Variants in PCDHA6 observed in about 807,000 individuals in gnomAD.
PCDHA6 encodes the protein protocadherin alpha 6, also known as protocadherin alpha-6.
Under a neutral mutation model 60.3 loss-of-function variants are expected in PCDHA6, and 55 were observed. The observed-to-expected ratio is 0.91, with a 90% CI of 0.73 to 1.14. The LOEUF is 1.14. Ranked by LOEUF, PCDHA6 falls within the 50% of genes most tolerant of loss-of-function variation. The probability of loss-of-function intolerance (pLI) is 0.00; values close to 1 mark genes in which losing one functional copy is unlikely to be tolerated. For missense variants in PCDHA6, 1,327 were observed against 1,256.5 expected (o/e 1.06, Z -0.85); for synonymous variants, 652 against 557.9 (o/e 1.17, Z -2.38).
At chr5:140,966,755 C>A in intron 1 of PCDHA6, 1 of 1,434,520 alleles carries the variant, frequency 7.0e-7, no homozygotes, top group South Asian at 1.5e-5. Context: ...GCCTCCGCCG[C>A]GGCCAGTGGC....
intron 1 of PCDHA6, chr5:140,843,009 C>A: frequency 6.3e-7 from 1 of 1,595,058 alleles, no homozygotes; most frequent in Non-Finnish European, 8.6e-7. Flanking sequence ...GACAACGCGC[C>A]GGCACTGCTG....
chr5:140,882,985 C>T (rs1554176359), intron 1 of PCDHA6: 14 of 1,614,110 alleles, frequency 8.7e-6, no homozygotes, highest in Non-Finnish European at 1.1e-5. Flanking sequence ...ATGACAACGC[C>T]CCGGAATTTT....
intron 1 of PCDHA6, among the ~76,000 whole-genome samples, chr5:140,895,900 G>A (rs540029399): frequency 1.3e-3 from 196 of 152,038 alleles, no homozygotes; most frequent in African/African-American, 4.6e-3. Context: ...CAACCTCCGC[G>A]TCCCGGGCTC....
At chr5:140,883,642 C>T (rs200197885) in intron 1 of PCDHA6, 1 of 1,613,904 alleles carries the variant, frequency 6.2e-7, no homozygotes, top group South Asian at 1.1e-5. Context: ...TCGCGCAGCC[C>T]GAGTACACGG....
chr5:140,957,014 G>A (rs2095325954), intron 1 of PCDHA6, among the ~76,000 whole-genome samples: 1 of 152,124 alleles, frequency 6.6e-6, no homozygotes, highest in South Asian at 2.1e-4. Flanking sequence ...ATTTCTCAGT[G>A]AGCATTTAGA....
At chr5:140,899,431 T>C (rs1271468350) in intron 1 of PCDHA6, among the ~76,000 whole-genome samples, 2 of 152,242 alleles carry the variant, frequency 1.3e-5, no homozygotes, top group Non-Finnish European at 2.9e-5. Context: ...AGGTCTTTTC[T>C]GCATCTATTG....
intron 1 of PCDHA6, among the ~76,000 whole-genome samples, chr5:140,900,334 G>A (rs552378783): frequency 4.2e-4 from 64 of 152,060 alleles, no homozygotes; most frequent in East Asian, 1.6e-3. Context: ...CTGGAGTACC[G>A]TGGCGCAATC....
At chr5:140,993,273 T>C (rs1212746492) in intron 3 of PCDHA6, among the ~76,000 whole-genome samples, 1 of 152,176 alleles carries the variant, frequency 6.6e-6, no homozygotes, top group Non-Finnish European at 1.5e-5. Flanking sequence ...TTCTTTGGTC[T>C]TTTCTTGCCC....
chr5:140,875,291 T>C, intron 1 of PCDHA6: 2 of 1,397,914 alleles, frequency 1.4e-6, no homozygotes, highest in Non-Finnish European at 1.9e-6. Flanking sequence ...AACAGGAAAA[T>C]TTTTTTCTCC....
rs189065461 is a variant in PCDHA6, at chr5:140,869,908, C to A, written c.2394+39423C>A. ...TGTGCTCAAACTAAACGCCACAGACCGAGACGAAGGAGTCAATGGAGAGGT... is the reference window on the plus strand; with the variant it reads ...TGTGCTCAAACTAAACGCCACAGACAGAGACGAAGGAGTCAATGGAGAGGT... On this transcript the variant is annotated intron_variant, in intron 1 of 3. Coordinates refer to ENST00000529310, the MANE Select transcript of PCDHA6 (RefSeq NM_018909.4). 6.2e-6 allele frequency: 10 copies of A among 1,610,646 alleles called. No homozygotes were observed. In the Admixed American group the frequency reaches 6.7e-5, roughly 11 times the overall value.
intron 1 of PCDHA6, chr5:140,968,975 T>G (rs782002097): frequency 2.5e-6 from 4 of 1,614,168 alleles, no homozygotes; most frequent in Non-Finnish European, 3.4e-6. Context: ...CTACACTGCG[T>G]ATGGCACTGC....
intron 1 of PCDHA6, chr5:140,853,114 C>G: frequency 6.6e-6 from 3 of 456,918 alleles, no homozygotes; most frequent in Non-Finnish European, 8.8e-6. Flanking sequence ...CTCCTGACCT[C>G]ATGATCCTCC....
intron 1 of PCDHA6, chr5:140,862,144 C>G (rs2047225935): frequency 1.2e-5 from 2 of 162,888 alleles, no homozygotes; most frequent in South Asian, 1.7e-4. Context: ...TTTGAGGAAA[C>G]TAAATAATGA....
intron 1 of PCDHA6, among the ~76,000 whole-genome samples, chr5:140,887,610 A>G (rs544288452): frequency 3.2e-4 from 49 of 151,656 alleles, no homozygotes; most frequent in Admixed American, 2.7e-3. Context: ...GTGCTTTAGT[A>G]TGGTTTTCTT....
chr5:140,857,086 A>G, intron 1 of PCDHA6: 1 of 1,596,918 alleles, frequency 6.3e-7, no homozygotes, highest in South Asian at 1.1e-5. Context: ...ATGATAATTC[A>G]CCTGAGGTGA....
intron 1 of PCDHA6, chr5:140,883,598 G>A: frequency 6.2e-7 from 1 of 1,614,008 alleles, no homozygotes; most frequent in Middle Eastern, 1.7e-4. Context: ...CGTGTCGGTG[G>A]GGGTGGCCGA....
At chr5:140,858,839 C>T (rs1306924023) in intron 1 of PCDHA6, 1 of 317,040 alleles carries the variant, frequency 3.2e-6, no homozygotes, top group Non-Finnish European at 5.9e-6. Context: ...CCAAAAAATT[C>T]CACTGATCTA....
At chr5:140,961,548 T>G (rs2095620507) in intron 1 of PCDHA6, among the ~76,000 whole-genome samples, 2 of 152,230 alleles carry the variant, frequency 1.3e-5, no homozygotes, top group Non-Finnish European at 2.9e-5. Flanking sequence ...CCTGCAGCAT[T>G]TCTTTTTTTA....
Position 140,829,111 on chromosome 5 carries a change from T to A in PCDHA6, c.1020T>A (p.Ile340=). 1 of 1,612,018 alleles carries A rather than the reference T, an allele frequency of 6.2e-7. No homozygotes were observed. Among genetic ancestry groups the A allele is most frequent in the Non-Finnish European group, 8.5e-7 (1 of 1,178,172 alleles). The change falls in exon 1 of 4, where the codon ATT becomes ATA. Residue 340 remains isoleucine, a synonymous_variant. Transcript: ENST00000529310. The part of the protein sequence containing the change: ...MAGHCTVLVR[I]LDKNDNVPEI... The stretch of plus-strand genomic sequence containing the variant: ...GTCATTGCACCGTTTTAGTGAGAAT[T>A]TTGGATAAAAATGATAACGTCCCTG...
Sources: gnomAD v4.1 joint callset for allele counts (sites outside exome capture counted in the v4.1 genomes callset) on GRCh38, gnomAD v4.1.1 for gene constraint, MANE v1.5 for transcripts, NCBI Gene and HGNC (gene_info 2026-07-23, HGNC 2026-07-21) for gene names.